The following SPEF2 variants were observed in gnomAD, a reference collection of about 807,000 sequenced individuals.
SPEF2 encodes sperm flagella and cilia-associated protein 2.
In SPEF2, 187 loss-of-function variants were observed where a neutral mutation model predicts 224.6. The ratio of observed to expected loss-of-function variants is 0.83; its 90% CI spans 0.74 to 0.94. The LOEUF is 0.94. Ranked by LOEUF, SPEF2 falls within the 40% of genes least tolerant of loss-of-function variation. The pLI, the probability that SPEF2 is intolerant of heterozygous loss-of-function variation, is 0.00. For missense variants in SPEF2, 2,170 were observed against 2,135.6 expected (o/e 1.02, Z -0.32); for synonymous variants, 715 against 707.3 (o/e 1.01, Z -0.17).
intron 19 of SPEF2, among the ~76,000 whole-genome samples, chr5:35,712,528 AAG>A (rs1402657282): frequency 3.3e-5 from 5 of 152,210 alleles, no homozygotes; most frequent in African/African-American, 1.2e-4. Flanking sequence ...AGTTCCATTA[AAG>A]AGTTTATGAT....
intron 11 of SPEF2, among the ~76,000 whole-genome samples, chr5:35,692,314 G>A (rs1754630236): frequency 1.3e-5 from 2 of 152,118 alleles, no homozygotes; most frequent in Non-Finnish European, 1.5e-5. Context: ...AGGAGGCTGA[G>A]GCAGTAGAAT....
rs573332221 is a variant in SPEF2, at chr5:35,657,431, T to C, written c.979-1588T>C. 1.4e-4 allele frequency among the ~76,000 whole-genome samples: 21 copies of C among 151,832 alleles called. No individual in the cohort carries two copies. In the East Asian group the frequency reaches 4.1e-3, roughly 29 times the overall value. ...GTAGGGATGGTAAGAAAAGGATTGG[T>C]AGGGAGGGGCTGATGTTGTTCAAGA... On this transcript the variant is annotated intron_variant, in intron 7 of 36. Coordinates refer to ENST00000356031, the MANE Select transcript of SPEF2 (RefSeq NM_024867.4).
intron 20 of SPEF2, among the ~76,000 whole-genome samples, chr5:35,715,627 T>C (rs142759029): frequency 3.5e-4 from 54 of 152,148 alleles, no homozygotes; most frequent in African/African-American, 1.2e-3. Context: ...TTTGGCTGAC[T>C]AGAAGTTCAG....
intron 10 of SPEF2, among the ~76,000 whole-genome samples, chr5:35,682,409 G>A (rs1366822880): frequency 2.0e-5 from 3 of 151,382 alleles, no homozygotes; most frequent in South Asian, 4.1e-4. Context: ...CAGTGTAAGT[G>A]TTGTATCCCC....
intron 2 of SPEF2, among the ~76,000 whole-genome samples, chr5:35,629,577 T>A (rs1744799065): frequency 6.6e-6 from 1 of 152,238 alleles, no homozygotes; most frequent in Non-Finnish European, 1.5e-5. Flanking sequence ...AAATTCATAA[T>A]GGTTTTTGTT....
intron 27 of SPEF2, 35 bp downstream of exon 27, chr5:35,771,791 C>T: frequency 6.4e-7 from 1 of 1,562,444 alleles, no homozygotes; most frequent in Admixed American, 2.1e-5. Context: ...ACCCTGGATG[C>T]CTAAACCTCT....
At chr5:35,718,923 A>G (rs73747915) in intron 20 of SPEF2, among the ~76,000 whole-genome samples, 4,261 of 152,282 alleles carry the variant, frequency 0.028, 215 homozygotes, top group African/African-American at 0.097. Context: ...ACTCCTTATC[A>G]TAAGCTGAAT....
chr5:35,754,389 G>T (rs1750141587), intron 24 of SPEF2, among the ~76,000 whole-genome samples: 1 of 152,154 alleles, frequency 6.6e-6, no homozygotes, highest in Non-Finnish European at 1.5e-5. Flanking sequence ...AGCTGAAGTA[G>T]GTTAGAGGGT....
At chr5:35,649,612 T>C (rs1747904086) in intron 6 of SPEF2, among the ~76,000 whole-genome samples, 187 bp downstream of exon 6, 1 of 152,214 alleles carries the variant, frequency 6.6e-6, no homozygotes, top group Admixed American at 6.5e-5. Flanking sequence ...CTGTTATAAA[T>C]ATCTGAGAGA....
At chr5:35,638,144 C>G (rs918861902) in intron 2 of SPEF2, among the ~76,000 whole-genome samples, 1 of 152,114 alleles carries the variant, frequency 6.6e-6, no homozygotes, top group Non-Finnish European at 1.5e-5. Flanking sequence ...TAACATAGGC[C>G]TGGTGCATAT....
chr5:35,658,995 A>G (rs372682079), intron 7 of SPEF2, 24 bp from the exon 8 acceptor site: 116 of 1,494,642 alleles, frequency 7.8e-5, no homozygotes, highest in Admixed American at 3.2e-4. Context: ...TCACTTTAAC[A>G]AATAATTCCC....
chr5:35,730,357 G>A (rs943579354), intron 21 of SPEF2, among the ~76,000 whole-genome samples: 10 of 152,218 alleles, frequency 6.6e-5, no homozygotes, highest in Non-Finnish European at 1.0e-4. Context: ...AGGACTCCAC[G>A]AAAAGAGGCA....
chr5:35,778,656 G>T, intron 29 of SPEF2, among the ~76,000 whole-genome samples: 1 of 152,262 alleles, frequency 6.6e-6, no homozygotes, highest in East Asian at 1.9e-4. Flanking sequence ...CACTCTTCTA[G>T]AAATACATTA....
rs536423251 is a variant in SPEF2, at chr5:35,736,580, C to T, written c.3064-3339C>T. 1.1e-4 allele frequency among the ~76,000 whole-genome samples: 16 copies of T among 152,268 alleles called. No homozygotes were observed. The South Asian group carries it at 3.1e-3, about 30-fold the overall frequency. The stretch of plus-strand genomic sequence containing the variant: ...CTATCATGAGCACAGCATGGGGAAA[C>T]CCCACCTTATGCTCCAATCACCTCC... On this transcript the variant is annotated intron_variant, in intron 21 of 36. Transcript: ENST00000356031.
At chr5:35,619,631 C>G (rs556500278) in intron 1 of SPEF2, among the ~76,000 whole-genome samples, 1 of 151,986 alleles carries the variant, frequency 6.6e-6, no homozygotes, top group Non-Finnish European at 1.5e-5. Flanking sequence ...GAGCCGAGAT[C>G]GCGCCACTGC....
intron 20 of SPEF2, among the ~76,000 whole-genome samples, chr5:35,723,475 A>G (rs1744134053): frequency 1.3e-5 from 2 of 152,284 alleles, no homozygotes; most frequent in East Asian, 1.9e-4. Context: ...TTTGAGAACT[A>G]CTTTACTGGA....
chr5:35,671,217 T>TA, intron 10 of SPEF2: 1 of 984,534 alleles, frequency 1.0e-6, no homozygotes, highest in East Asian at 1.1e-4. Flanking sequence ...AAAGGGTGAA[T>TA]AAAATGAATG....
At position 35,740,250 on chromosome 5, in the gene SPEF2, C is replaced by G. The variant is rs780806190; in HGVS notation, c.3313C>G (p.Leu1105Val). The change falls in exon 23 of 37, where the codon CTA becomes GTA. Residue 1105 changes from leucine to valine, a missense_variant. Coordinates refer to ENST00000356031, the MANE Select transcript of SPEF2 (RefSeq NM_024867.4). ...GGATGATGAGGAAACAAAGGCTGAA[C>G]TACATCAACGAGTGAATGTAAGGAA... ...LWDDEETKAE[L>V]HQRVNDLRDR... The G allele has an allele frequency of 1.9e-6, 3 of 1,614,082 alleles. No individual in the cohort carries two copies. In the East Asian group the frequency reaches 6.7e-5, roughly 36 times the overall value.
rs531891073 is a variant in SPEF2, at chr5:35,752,112, G to A, written c.3331-1512G>A. Among the ~76,000 whole-genome samples, 3 of 152,182 alleles carry A rather than the reference G, an allele frequency of 2.0e-5. No homozygotes were observed. In the South Asian group the frequency reaches 6.2e-4, roughly 32 times the overall value. On this transcript the variant is annotated intron_variant, in intron 23 of 36. Coordinates refer to ENST00000356031, the MANE Select transcript of SPEF2 (RefSeq NM_024867.4). The stretch of plus-strand genomic sequence containing the variant: ...TTCTATGAGAATCTAATGTTGCTGC[G>A]GATCTGATAGGAGGTGGAGATCGGG...
Sources: allele counts gnomAD v4.1 joint callset (sites outside exome capture counted in the v4.1 genomes callset), GRCh38; gene constraint gnomAD v4.1.1; transcripts MANE v1.5; gene names NCBI Gene and HGNC (gene_info 2026-07-23, HGNC 2026-07-21).